Variants in GMDS observed in about 807,000 individuals in gnomAD.
GMDS encodes the protein GDP-mannose 4,6-dehydratase.
GMDS carries 20 observed loss-of-function variants against 49.9 expected under a neutral mutation model. The observed-to-expected ratio is 0.40, with a 90% CI of 0.28 to 0.58. The LOEUF is 0.58. Among genes scored for constraint, GMDS ranks in the 20% least tolerant of loss-of-function variants. The pLI is 0.42. For missense variants in GMDS, 362 were observed against 481.4 expected (o/e 0.75, Z 2.32); for synonymous variants, 177 against 178.6 (o/e 0.99, Z 0.07).
chr6:2,190,803 G>T (rs561525504), intron 1 of GMDS, among the ~76,000 whole-genome samples: 7 of 152,312 alleles, frequency 4.6e-5, no homozygotes, highest in African/African-American at 1.7e-4. Context: ...GGCGTGGGTG[G>T]TGGCGGGAGG....
chr6:2,158,166 C>T (rs1208308723), intron 1 of GMDS, among the ~76,000 whole-genome samples: 2 of 151,974 alleles, frequency 1.3e-5, no homozygotes, highest in Non-Finnish European at 2.9e-5. Context: ...TCTAGTAATG[C>T]TATATATATA....
At chr6:1,945,735 C>T (rs1479006236) in intron 6 of GMDS, among the ~76,000 whole-genome samples, 6 of 152,124 alleles carry the variant, frequency 3.9e-5, no homozygotes, top group Non-Finnish European at 7.4e-5. Flanking sequence ...CATCGTGAAA[C>T]CCTGTTTTCT....
chr6:1,938,379 A>G (rs1006346121), intron 6 of GMDS, among the ~76,000 whole-genome samples: 2 of 152,194 alleles, frequency 1.3e-5, no homozygotes, highest in Non-Finnish European at 2.9e-5. Flanking sequence ...GCATTTTTAG[A>G]AGTTCCCTTA....
intron 9 of GMDS, among the ~76,000 whole-genome samples, chr6:1,668,932 G>A (rs1009811587): frequency 1.3e-5 from 2 of 152,232 alleles, no homozygotes; most frequent in Admixed American, 6.5e-5. Context: ...GAGCCAGTGA[G>A]TTGCCAAAGA....
chr6:1,734,879 G>T lies in GMDS; in HGVS notation c.890+7589C>A, dbSNP rs1175433922. ...ATAATAATAATGATAATGGTAACAAGAAGACAAGACCAGAGATGGCTCTCC... is the reference window on the plus strand; with the variant it reads ...ATAATAATAATGATAATGGTAACAATAAGACAAGACCAGAGATGGCTCTCC... On this transcript the variant is annotated intron_variant, in intron 8 of 10. Transcript: ENST00000380815. 2.0e-5 allele frequency among the ~76,000 whole-genome samples: 3 copies of T among 152,216 alleles called. No individual in the cohort carries two copies. The East Asian group carries it at 5.8e-4, about 29-fold the overall frequency.
At chr6:1,783,333 G>C (rs1769188166) in intron 7 of GMDS, among the ~76,000 whole-genome samples, 1 of 152,160 alleles carries the variant, frequency 6.6e-6, no homozygotes, top group Non-Finnish European at 1.5e-5. Flanking sequence ...GGTTCCACGG[G>C]GTGCAGGTGC....
intron 9 of GMDS, among the ~76,000 whole-genome samples, chr6:1,710,454 G>A (rs1561747911): frequency 6.6e-6 from 1 of 152,208 alleles, no homozygotes; most frequent in Non-Finnish European, 1.5e-5. Context: ...TGGACCTGCC[G>A]TGGTATAACC....
At chr6:2,215,865 T>C (rs562137866) in intron 1 of GMDS, among the ~76,000 whole-genome samples, 6 of 152,286 alleles carry the variant, frequency 3.9e-5, no homozygotes, top group Non-Finnish European at 8.8e-5. Context: ...ACTTAGTAAA[T>C]ACAATAAAGG....
At chr6:1,983,011 G>A (rs1765310066) in intron 4 of GMDS, among the ~76,000 whole-genome samples, 1 of 152,124 alleles carries the variant, frequency 6.6e-6, no homozygotes, top group Non-Finnish European at 1.5e-5. Flanking sequence ...AAACAGCATG[G>A]TACTGGTATA....
At chr6:1,862,262 A>G (rs1243121253) in intron 7 of GMDS, among the ~76,000 whole-genome samples, 1 of 152,242 alleles carries the variant, frequency 6.6e-6, no homozygotes, top group South Asian at 2.1e-4. Flanking sequence ...GTGATCCATC[A>G]GTATTGAAAT....
chr6:1,741,638 C>A (rs558660805), intron 8 of GMDS, among the ~76,000 whole-genome samples: 4 of 151,022 alleles, frequency 2.6e-5, no homozygotes, highest in African/African-American at 9.7e-5. Flanking sequence ...ACAATGAAAC[C>A]CCATCTCTAC....
intron 9 of GMDS, among the ~76,000 whole-genome samples, chr6:1,671,826 G>A (rs539733614): frequency 1.3e-4 from 20 of 151,942 alleles, no homozygotes; most frequent in South Asian, 2.1e-4. Context: ...CACCACACCC[G>A]GCTAATTTTT....
At chr6:2,172,002 A>G (rs1359255712) in intron 1 of GMDS, among the ~76,000 whole-genome samples, 1 of 152,170 alleles carries the variant, frequency 6.6e-6, no homozygotes, top group Non-Finnish European at 1.5e-5. Flanking sequence ...TGTAGAATTA[A>G]AAAAAGATAC....
At chr6:1,672,272 T>C (rs1349091803) in intron 9 of GMDS, among the ~76,000 whole-genome samples, 1 of 152,142 alleles carries the variant, frequency 6.6e-6, no homozygotes, top group Non-Finnish European at 1.5e-5. Flanking sequence ...CCGTGATGCG[T>C]GAATGAGAGT....
intron 7 of GMDS, among the ~76,000 whole-genome samples, chr6:1,756,673 G>T (rs1312392710): frequency 1.3e-5 from 2 of 152,230 alleles, no homozygotes; most frequent in African/African-American, 4.8e-5. Context: ...AAGGCGGACT[G>T]ACTGGGGCAG....
intron 4 of GMDS, among the ~76,000 whole-genome samples, chr6:2,038,483 C>T (rs1310769389): frequency 6.6e-6 from 1 of 152,172 alleles, no homozygotes; most frequent in Non-Finnish European, 1.5e-5. Context: ...TGGGCCCGCA[C>T]ACTTCAGTGT....
At chr6:2,204,284 T>C (rs981132757) in intron 1 of GMDS, among the ~76,000 whole-genome samples, 7 of 152,102 alleles carry the variant, frequency 4.6e-5, no homozygotes, top group African/African-American at 1.7e-4. Context: ...TCTCCCTTCT[T>C]CCCCCAAATC....
intron 9 of GMDS, among the ~76,000 whole-genome samples, chr6:1,652,400 A>T (rs1763685417): frequency 2.0e-4 from 1 of 4,928 alleles, no homozygotes; most frequent in Non-Finnish European, 4.8e-4. Flanking sequence ...TATTATATAT[A>T]TATATATATT....
At chr6:1,683,248 C>T (rs1419866415) in intron 9 of GMDS, among the ~76,000 whole-genome samples, 1 of 152,122 alleles carries the variant, frequency 6.6e-6, no homozygotes, top group Non-Finnish European at 1.5e-5. Context: ...CTCAGCCTCC[C>T]GAGTAGCTGG....
Sources: allele counts gnomAD v4.1 joint callset (sites outside exome capture counted in the v4.1 genomes callset), GRCh38; gene constraint gnomAD v4.1.1; transcripts MANE v1.5; gene names NCBI Gene and HGNC (gene_info 2026-07-23, HGNC 2026-07-21).